The following PCDH15 variants were observed in gnomAD, a reference collection of about 807,000 sequenced individuals.
The protein encoded by PCDH15 is protocadherin related 15.
PCDH15 carries 129 observed loss-of-function variants against 178.5 expected under a neutral mutation model. The observed-to-expected ratio is 0.72, with a 90% CI of 0.63 to 0.84. The LOEUF is 0.84. Among genes scored for constraint, PCDH15 ranks in the 40% least tolerant of loss-of-function variants. PCDH15 has a pLI of 0.00. For missense variants in PCDH15, 2,230 were observed against 2,099.9 expected, an observed-to-expected ratio of 1.06 and a Z score of -1.21; for synonymous variants, 800 against 732.0, an observed-to-expected ratio of 1.09 and a Z score of -1.50.
intron 2 of PCDH15, among the ~76,000 whole-genome samples, chr10:55,462,339 T>C (rs946577944): frequency 6.6e-6 from 1 of 152,236 alleles, no homozygotes; most frequent in South Asian, 2.1e-4. Context: ...TCCTTCTGGA[T>C]TTTTCTCATA....
At chr10:54,152,259 T>C (rs910823207) in intron 14 of PCDH15, among the ~76,000 whole-genome samples, 2 of 152,274 alleles carry the variant, frequency 1.3e-5, no homozygotes, top group South Asian at 4.1e-4. Context: ...TATAAAAAAC[T>C]GATATACTTG....
intron 2 of PCDH15, among the ~76,000 whole-genome samples, chr10:54,930,239 C>T (rs1241267500): frequency 6.6e-6 from 1 of 152,154 alleles, no homozygotes; most frequent in East Asian, 1.9e-4. Context: ...GTTCTTCACT[C>T]ACTGTGTAAA....
chr10:53,918,840 AT>A (rs780699340), intron 25 of PCDH15, among the ~76,000 whole-genome samples: 1 of 152,140 alleles, frequency 6.6e-6, no homozygotes, highest in Non-Finnish European at 1.5e-5. Flanking sequence ...ACACCAGTGT[AT>A]TACTGTATAG....
intron 1 of PCDH15, among the ~76,000 whole-genome samples, chr10:54,678,689 C>T (rs1009289442): frequency 1.3e-5 from 2 of 152,112 alleles, no homozygotes; most frequent in African/African-American, 2.4e-5. Flanking sequence ...TTACCACCTT[C>T]AAGATCATCA....
chr10:53,857,637 C>A (rs1328423585), intron 27 of PCDH15, among the ~76,000 whole-genome samples: 1 of 151,838 alleles, frequency 6.6e-6, no homozygotes, highest in East Asian at 1.9e-4. Flanking sequence ...TTTTACAAGT[C>A]TTGAGAAATC....
At chr10:54,017,843 A>C (rs2092791379) in intron 20 of PCDH15, among the ~76,000 whole-genome samples, 1 of 152,200 alleles carries the variant, frequency 6.6e-6, no homozygotes, top group Non-Finnish European at 1.5e-5. Context: ...AGGTAGTGGA[A>C]TACTTCCGTG....
intron 1 of PCDH15, among the ~76,000 whole-genome samples, chr10:55,205,384 C>G (rs1240950577): frequency 6.6e-6 from 1 of 151,804 alleles, no homozygotes; most frequent in Non-Finnish European, 1.5e-5. Context: ...TCAGTAATAA[C>G]AATGATAGCA....
At chr10:54,047,000 A>G (rs2093669716) in intron 18 of PCDH15, among the ~76,000 whole-genome samples, 3 of 152,188 alleles carry the variant, frequency 2.0e-5, no homozygotes, top group Non-Finnish European at 4.4e-5. Flanking sequence ...TGAATAGGTC[A>G]TGAATTTTCA....
chr10:54,600,055 G>T, intron 2 of PCDH15: 1 of 1,275,186 alleles, frequency 7.8e-7, no homozygotes, highest in Non-Finnish European at 1.1e-6. Flanking sequence ...GAAAGAGGAA[G>T]AAAAGGAAAT....
intron 2 of PCDH15, among the ~76,000 whole-genome samples, chr10:54,604,868 A>G (rs2092682218): frequency 6.8e-6 from 1 of 147,898 alleles, no homozygotes; most frequent in Non-Finnish European, 1.5e-5. Context: ...GACAGGCTTT[A>G]ATTCCTTTCT....
chr10:54,332,534 T>A (rs1940052586), intron 6 of PCDH15, among the ~76,000 whole-genome samples: 1 of 150,500 alleles, frequency 6.6e-6, no homozygotes, highest in Non-Finnish European at 1.5e-5. Context: ...AAATATCCCA[T>A]CACTTATTTC....
intron 2 of PCDH15, among the ~76,000 whole-genome samples, chr10:55,626,417 A>G (rs576596247): frequency 1.3e-5 from 2 of 152,332 alleles, no homozygotes; most frequent in East Asian, 1.9e-4. Flanking sequence ...ATGAGATCAG[A>G]AATAAAATGT....
At chr10:53,862,442 T>C (rs2079165548) in intron 27 of PCDH15, among the ~76,000 whole-genome samples, 1 of 152,184 alleles carries the variant, frequency 6.6e-6, no homozygotes, top group African/African-American at 2.4e-5. Context: ...ACACTGCAGA[T>C]ATTGTAAATA....
At chr10:54,726,739 T>A (rs1194289875) in intron 1 of PCDH15, among the ~76,000 whole-genome samples, 1 of 151,034 alleles carries the variant, frequency 6.6e-6, no homozygotes, top group Non-Finnish European at 1.5e-5. Flanking sequence ...AAAAGCTGAC[T>A]ACAAAAATTT....
At chr10:54,705,619 C>G (rs2095358038) in intron 1 of PCDH15, among the ~76,000 whole-genome samples, 1 of 152,092 alleles carries the variant, frequency 6.6e-6, no homozygotes, top group African/African-American at 2.4e-5. Flanking sequence ...CCACTATTAT[C>G]CATACCATGA....
intron 2 of PCDH15, chr10:55,599,513 T>C (rs1470271481): frequency 6.5e-6 from 1 of 153,014 alleles, no homozygotes; most frequent in Non-Finnish European, 1.5e-5. Flanking sequence ...CTAATCACCC[T>C]GTTAAACTCC....
At chr10:55,553,144 ATAAGTGATGGT>A (rs984277150) in intron 2 of PCDH15, among the ~76,000 whole-genome samples, 1 of 151,548 alleles carries the variant, frequency 6.6e-6, no homozygotes, top group Non-Finnish European at 1.5e-5. Context: ...TGACCACAGA[ATAAGTGATGGT>A]TAGATTCTTT....
intron 13 of PCDH15, among the ~76,000 whole-genome samples, chr10:54,163,835 G>A (rs1371715392): frequency 6.6e-6 from 1 of 152,088 alleles, no homozygotes; most frequent in Non-Finnish European, 1.5e-5. Flanking sequence ...AAATTCTGAT[G>A]TATTTAAATG....
chr10:55,295,162 C>A (rs1843100738), intron 1 of PCDH15, among the ~76,000 whole-genome samples: 1 of 152,102 alleles, frequency 6.6e-6, no homozygotes, highest in South Asian at 2.1e-4. Context: ...TCTAACATAC[C>A]ACTCCTGTGT....
Sources: allele counts gnomAD v4.1 joint callset (sites outside exome capture counted in the v4.1 genomes callset), GRCh38; gene constraint gnomAD v4.1.1; transcripts MANE v1.5; gene names NCBI Gene and HGNC (gene_info 2026-07-23, HGNC 2026-07-21).